RAB7A: variants seen among roughly 807,000 people sequenced by gnomAD.
The protein encoded by RAB7A is RAB7A, member RAS oncogene family.
In RAB7A, 2 loss-of-function variants were observed where a neutral mutation model predicts 24.5. The ratio of observed to expected loss-of-function variants is 0.08; its 90% CI spans 0.03 to 0.26. The LOEUF is 0.26. RAB7A is among the 10% of genes least tolerant of loss of function. The probability of loss-of-function intolerance (pLI) is 1.00; values close to 1 mark genes in which losing one functional copy is unlikely to be tolerated. For missense variants in RAB7A, 118 were observed against 255.7 expected (o/e 0.46, Z 3.67); for synonymous variants, 100 against 95.9 (o/e 1.04, Z -0.25).
At chr3:128,739,626 C>T (rs750242196) in intron 1 of RAB7A, among the ~76,000 whole-genome samples, 34 of 151,866 alleles carry the variant, frequency 2.2e-4, no homozygotes, top group Non-Finnish European at 3.8e-4. Flanking sequence ...TCATAAAATA[C>T]ATACTCTTCT....
intron 1 of RAB7A, among the ~76,000 whole-genome samples, chr3:128,733,863 A>G (rs1406547577): frequency 2.0e-5 from 3 of 152,204 alleles, no homozygotes; most frequent in Non-Finnish European, 4.4e-5. Context: ...GCTCTAGTAG[A>G]TATGGCCAGT....
chr3:128,805,870 T>G (rs1028914117), intron 3 of RAB7A, among the ~76,000 whole-genome samples: 1 of 152,170 alleles, frequency 6.6e-6, no homozygotes, highest in Non-Finnish European at 1.5e-5. Context: ...CAGGCTGGTC[T>G]CAAACTCCTG....
chr3:128,805,948 T>C (rs544129916), intron 3 of RAB7A, among the ~76,000 whole-genome samples: 2 of 152,332 alleles, frequency 1.3e-5, no homozygotes, highest in South Asian at 4.1e-4. Flanking sequence ...GATTGAACTA[T>C]ATCACTCGTG....
intron 1 of RAB7A, among the ~76,000 whole-genome samples, chr3:128,777,520 C>T (rs1184931197): frequency 6.6e-6 from 1 of 152,158 alleles, no homozygotes; most frequent in Non-Finnish European, 1.5e-5. Flanking sequence ...GATAATAAAA[C>T]ACATGTGACT....
chr3:128,813,840 TGTG>T lies in RAB7A; in HGVS notation c.*421_*423del, dbSNP rs886057944. ...ATTATCTGATTTTTTTTATTGGTCTTGTGGTCTTTTTACCCCCCCTTTCCCCTC... is the reference window on the plus strand; with the variant it reads ...ATTATCTGATTTTTTTTATTGGTCTTGTCTTTTTACCCCCCCTTTCCCCTC... On this transcript the variant is annotated 3_prime_UTR_variant, in exon 6 of 6. Transcript: ENST00000265062. 6.8e-5 allele frequency: 19 copies of T among 280,440 alleles called. No homozygotes were observed. The highest frequency in any genetic ancestry group is 1.1e-4 in the Non-Finnish European group (15 of 140,792). The allele number at this position is 280,440 out of a possible 1,614,324, so 17.4% of individuals were successfully genotyped here.
chr3:128,808,579 A>G (rs1321125159), intron 5 of RAB7A, among the ~76,000 whole-genome samples: 1 of 152,174 alleles, frequency 6.6e-6, no homozygotes, highest in Non-Finnish European at 1.5e-5. Flanking sequence ...GGAATATAAT[A>G]CCTAGAATTT....
At chr3:128,782,917 T>C in intron 1 of RAB7A, among the ~76,000 whole-genome samples, 1 of 152,164 alleles carries the variant, frequency 6.6e-6, no homozygotes, top group Non-Finnish European at 1.5e-5. Flanking sequence ...ATATGAGGTG[T>C]CATAATGGGC....
At chr3:128,740,337 C>G (rs1490648429) in intron 1 of RAB7A, among the ~76,000 whole-genome samples, 2 of 151,740 alleles carry the variant, frequency 1.3e-5, no homozygotes, top group East Asian at 3.9e-4. Flanking sequence ...GCCGAGATGG[C>G]GCCACTGCAC....
At chr3:128,781,672 A>C (rs1372491619) in intron 1 of RAB7A, among the ~76,000 whole-genome samples, 2 of 151,950 alleles carry the variant, frequency 1.3e-5, no homozygotes, top group African/African-American at 4.8e-5. Flanking sequence ...ACCTTGTCTG[A>C]AAAAACAAAA....
intron 1 of RAB7A, among the ~76,000 whole-genome samples, chr3:128,731,692 A>G (rs1036245359): frequency 1.3e-5 from 2 of 152,112 alleles, no homozygotes; most frequent in Non-Finnish European, 1.5e-5. Context: ...CCTAAAGACC[A>G]CGACATTTCA....
intron 2 of RAB7A, among the ~76,000 whole-genome samples, chr3:128,797,361 T>G (rs1241996592): frequency 6.6e-6 from 1 of 152,244 alleles, no homozygotes; most frequent in African/African-American, 2.4e-5. Context: ...CATTGTCTCT[T>G]GCTGAGTTTT....
Position 128,729,518 on chromosome 3 carries a change from A to G in RAB7A, c.-9+3159A>G, listed in dbSNP as rs530487187. Reference sequence around the variant, plus strand: ...CCAGGAGGCAGGGCTTGCAGTGAGCAGAGATCATGCCGCTGCACTCCAGCC... The same window carrying G: ...CCAGGAGGCAGGGCTTGCAGTGAGCGGAGATCATGCCGCTGCACTCCAGCC... On this transcript the variant is annotated intron_variant, in intron 1 of 5. Transcript: ENST00000265062. 7.9e-5 allele frequency among the ~76,000 whole-genome samples: 12 copies of G among 151,452 alleles called. No homozygotes were observed. In the East Asian group the frequency reaches 2.1e-3, roughly 27 times the overall value.
intron 4 of RAB7A, 125 bp from the exon 5 acceptor site, chr3:128,807,418 T>G (rs1449774313): frequency 3.5e-6 from 5 of 1,421,950 alleles, no homozygotes; most frequent in African/African-American, 1.4e-5. Flanking sequence ...ACACCCTCTT[T>G]CCCCATGTCT....
At chr3:128,762,108 A>G (rs2070779965) in intron 1 of RAB7A, among the ~76,000 whole-genome samples, 1 of 152,206 alleles carries the variant, frequency 6.6e-6, no homozygotes, top group African/African-American at 2.4e-5. Flanking sequence ...AATTGTTTTA[A>G]TATTTTACCA....
chr3:128,750,411 G>A lies in RAB7A; in HGVS notation c.-9+24052G>A, dbSNP rs189023428. 1.1e-4 allele frequency among the ~76,000 whole-genome samples: 16 copies of A among 152,100 alleles called. No individual in the cohort carries two copies. The East Asian group carries it at 1.5e-3, about 15-fold the overall frequency. On this transcript the variant is annotated intron_variant, in intron 1 of 5. Coordinates refer to ENST00000265062, the MANE Select transcript of RAB7A (RefSeq NM_004637.6). ...TGAGTAGCTGGGATTACAGGTGCCC[G>A]CCACCACGCCCAGCTAATTTTTGTA...
chr3:128,750,747 A>T (rs1466108658), intron 1 of RAB7A, among the ~76,000 whole-genome samples: 1 of 152,248 alleles, frequency 6.6e-6, no homozygotes, highest in African/African-American at 2.4e-5. Context: ...CAAGTAGCTG[A>T]ATGTTAACTC....
At chr3:128,771,697 G>T (rs62272585) in intron 1 of RAB7A, among the ~76,000 whole-genome samples, 7,376 of 152,308 alleles carry the variant, frequency 0.048, 317 homozygotes, top group South Asian at 0.13. Flanking sequence ...CGGTGCAATA[G>T]TAATTGCGGT....
rs560712758 is a variant in RAB7A, at chr3:128,773,116, C to G, written c.-8-22244C>G. 3.9e-3 allele frequency among the ~76,000 whole-genome samples: 593 copies of G among 152,166 alleles called. 3 individuals carry two copies. The highest frequency in any genetic ancestry group is 4.5e-3 in the Non-Finnish European group (304 of 67,982). On this transcript the variant is annotated intron_variant, in intron 1 of 5. Transcript: ENST00000265062. The stretch of plus-strand genomic sequence containing the variant: ...GTCTGGGAAGTGAGGAGCGCCTCTT[C>G]CCGGCCGCCATCCCATCTAGGAAGT...
intron 1 of RAB7A, among the ~76,000 whole-genome samples, chr3:128,785,765 A>T (rs983485544): frequency 1.9e-4 from 29 of 151,900 alleles, no homozygotes; most frequent in African/African-American, 6.8e-4. Context: ...AAAAAAAAAA[A>T]ATTCTTTAAG....
Sources: gnomAD v4.1 joint callset for allele counts (sites outside exome capture counted in the v4.1 genomes callset) on GRCh38, gnomAD v4.1.1 for gene constraint, MANE v1.5 for transcripts, NCBI Gene and HGNC (gene_info 2026-07-23, HGNC 2026-07-21) for gene names.